Variants in KCNAB1 observed in about 807,000 individuals in gnomAD.
KCNAB1 encodes the protein potassium voltage-gated channel subfamily A regulatory beta subunit 1.
KCNAB1 carries 35 observed loss-of-function variants against 64.6 expected under a neutral mutation model. The ratio of observed to expected loss-of-function variants is 0.54; its 90% confidence interval spans 0.41 to 0.72. The LOEUF (loss-of-function observed/expected upper bound fraction) is 0.72. Among genes scored for constraint, KCNAB1 ranks in the 30% least tolerant of loss-of-function variants. The pLI is 0.00. For missense variants in KCNAB1, 401 were observed against 512.9 expected, an observed-to-expected ratio of 0.78 and a Z score of 2.11; for synonymous variants, 177 against 183.8, an observed-to-expected ratio of 0.96 and a Z score of 0.30.
intron 12 of KCNAB1, among the ~76,000 whole-genome samples, chr3:156,529,848 G>T (rs918825998): frequency 6.6e-6 from 1 of 152,184 alleles, no homozygotes; most frequent in Admixed American, 6.5e-5. Flanking sequence ...AGGCATTATA[G>T]CAAGAAGTTT....
At chr3:156,218,580 G>A (rs1344964428) in intron 1 of KCNAB1, among the ~76,000 whole-genome samples, 2 of 151,824 alleles carry the variant, frequency 1.3e-5, no homozygotes, top group Non-Finnish European at 2.9e-5. Flanking sequence ...GGAGGCCAAC[G>A]AAAACAAAAC....
At chr3:156,451,099 G>A (rs186919367) in intron 2 of KCNAB1, among the ~76,000 whole-genome samples, 37 of 152,284 alleles carry the variant, frequency 2.4e-4, no homozygotes, top group African/African-American at 8.4e-4. Context: ...ACCTGGTGAG[G>A]ACATCAGCTC....
At chr3:156,329,833 A>C (rs2108042557) in intron 1 of KCNAB1, among the ~76,000 whole-genome samples, 1 of 152,288 alleles carries the variant, frequency 6.6e-6, no homozygotes, top group Non-Finnish European at 1.5e-5. Context: ...ATCTTCCATT[A>C]ATTCCACATT....
intron 2 of KCNAB1, among the ~76,000 whole-genome samples, chr3:156,442,797 G>T (rs1717097400): frequency 6.6e-6 from 1 of 152,104 alleles, no homozygotes; most frequent in Admixed American, 6.6e-5. Context: ...TCTCATTGTT[G>T]CCCAGCTCTC....
chr3:156,167,660 A>G (rs1711670156), intron 1 of KCNAB1, among the ~76,000 whole-genome samples: 1 of 152,190 alleles, frequency 6.6e-6, no homozygotes, highest in Non-Finnish European at 1.5e-5. Context: ...AGCCAGTTTC[A>G]ACAAACTTTT....
At chr3:156,291,769 G>A in intron 1 of KCNAB1, 1 of 1,486,162 alleles carries the variant, frequency 6.7e-7, no homozygotes, top group Non-Finnish European at 8.9e-7. Context: ...CAGCCGCCAG[G>A]ACTCCTCTGA....
intron 1 of KCNAB1, among the ~76,000 whole-genome samples, chr3:156,235,020 T>C (rs1171624822): frequency 6.6e-6 from 1 of 152,228 alleles, no homozygotes; most frequent in African/African-American, 2.4e-5. Context: ...CATGCTTACA[T>C]TCAGATATAG....
rs529206241 is a variant in KCNAB1 at position 156,515,410 on chromosome 3, G to C, written c.865+190G>C. On this transcript the variant is annotated intron_variant, in intron 10 of 13. Coordinates refer to ENST00000490337, the MANE Select transcript of KCNAB1 (RefSeq NM_172160.3). The stretch of plus-strand genomic sequence containing the variant: ...TAGCAGAATCTGCATTTAGTCTACA[G>C]GGTATCACTGATGAAAGCCAAGCAG... Among the ~76,000 whole-genome samples, 24 of 152,232 alleles carry C rather than the reference G, an allele frequency of 1.6e-4. No homozygotes were observed. In the South Asian group the frequency reaches 3.1e-3, roughly 20 times the overall value.
intron 1 of KCNAB1, among the ~76,000 whole-genome samples, chr3:156,309,628 C>A (rs1721749341): frequency 6.6e-6 from 1 of 152,206 alleles, no homozygotes; most frequent in South Asian, 2.1e-4. Flanking sequence ...AGTAGATTGC[C>A]CATTAAAATT....
intron 8 of KCNAB1, among the ~76,000 whole-genome samples, chr3:156,475,322 G>A (rs191549044): frequency 6.6e-6 from 1 of 152,262 alleles, no homozygotes; most frequent in African/African-American, 2.4e-5. Flanking sequence ...GTCTCAAGGA[G>A]CTGCAACATT....
chr3:156,337,061 T>G (rs1723762409), intron 1 of KCNAB1, among the ~76,000 whole-genome samples: 1 of 152,222 alleles, frequency 6.6e-6, no homozygotes, highest in African/African-American at 2.4e-5. Context: ...ATCCCAACTT[T>G]TTGCCTTTGC....
intron 1 of KCNAB1, among the ~76,000 whole-genome samples, chr3:156,198,790 C>G (rs1178064307): frequency 6.6e-6 from 1 of 151,336 alleles, no homozygotes; most frequent in East Asian, 1.9e-4. Flanking sequence ...GGCCTTTAGC[C>G]TATTTACATT....
At chr3:156,459,089 A>C (rs1410282504) in intron 4 of KCNAB1, among the ~76,000 whole-genome samples, 1 of 152,180 alleles carries the variant, frequency 6.6e-6, no homozygotes, top group African/African-American at 2.4e-5. Flanking sequence ...TGCTAATTCC[A>C]CTGATCTCCC....
intron 8 of KCNAB1, among the ~76,000 whole-genome samples, chr3:156,511,918 C>T (rs974943631): frequency 3.3e-5 from 5 of 152,254 alleles, no homozygotes; most frequent in African/African-American, 7.2e-5. Flanking sequence ...CTGGGACTCA[C>T]TAAGCTCTGT....
chr3:156,157,902 G>T (rs1163174394), intron 1 of KCNAB1, among the ~76,000 whole-genome samples: 1 of 151,904 alleles, frequency 6.6e-6, no homozygotes. Context: ...TAAAAGGGCC[G>T]CCTGTAATCC....
At chr3:156,505,703 G>A (rs931446087) in intron 8 of KCNAB1, among the ~76,000 whole-genome samples, 2 of 152,162 alleles carry the variant, frequency 1.3e-5, no homozygotes, top group African/African-American at 2.4e-5. Context: ...AAAGAAAAGA[G>A]GTTTAATTGG....
intron 1 of KCNAB1, among the ~76,000 whole-genome samples, chr3:156,231,300 T>C (rs987995505): frequency 3.3e-5 from 5 of 152,176 alleles, no homozygotes; most frequent in African/African-American, 1.2e-4. Flanking sequence ...TCTCATCAGA[T>C]GGGTTTTATT....
intron 1 of KCNAB1, among the ~76,000 whole-genome samples, chr3:156,382,446 C>T (rs1048841276): frequency 2.0e-5 from 3 of 152,122 alleles, no homozygotes; most frequent in Non-Finnish European, 2.9e-5. Flanking sequence ...CACACCATTG[C>T]ACTCCAGCCT....
At chr3:156,399,930 C>T (rs1289097372) in intron 1 of KCNAB1, among the ~76,000 whole-genome samples, 1 of 152,196 alleles carries the variant, frequency 6.6e-6, no homozygotes, top group East Asian at 1.9e-4. Context: ...CCATCTAGTT[C>T]AGTTACCAGC....
Sources: allele counts gnomAD v4.1 joint callset (sites outside exome capture counted in the v4.1 genomes callset), GRCh38; gene constraint gnomAD v4.1.1; transcripts MANE v1.5; gene names NCBI Gene and HGNC (gene_info 2026-07-23, HGNC 2026-07-21).